The following KCNMB4 variants were observed in gnomAD, a reference collection of about 807,000 sequenced individuals.
The protein encoded by KCNMB4 is potassium calcium-activated channel subfamily M regulatory beta subunit 4.
Under a neutral mutation model 20.7 loss-of-function variants are expected in KCNMB4, and 3 were observed. The observed-to-expected ratio is 0.14, with a 90% confidence interval of 0.07 to 0.37. The LOEUF (loss-of-function observed/expected upper bound fraction) is 0.37. KCNMB4 is among the 10% of genes least tolerant of loss of function. KCNMB4 has a pLI of 1.00. For synonymous variants in KCNMB4, 110 were observed against 113.4 expected (o/e 0.97, Z 0.19); for missense variants, 168 against 265.9 (o/e 0.63, Z 2.56).
At chr12:70,408,194 C>T (rs772834696) in intron 2 of KCNMB4, among the ~76,000 whole-genome samples, 1 of 151,994 alleles carries the variant, frequency 6.6e-6, no homozygotes, top group African/African-American at 2.4e-5. Flanking sequence ...GGAAGGCAGG[C>T]GTTCGGAGTT....
intron 1 of KCNMB4, among the ~76,000 whole-genome samples, chr12:70,375,547 G>T (rs1883670756): frequency 6.6e-6 from 1 of 151,986 alleles, no homozygotes; most frequent in African/African-American, 2.4e-5. Flanking sequence ...GGAGGCTAAG[G>T]CTCCTTGCTT....
chr12:70,387,256 A>G (rs796586011), intron 1 of KCNMB4, among the ~76,000 whole-genome samples: 2 of 151,920 alleles, frequency 1.3e-5, no homozygotes, highest in African/African-American at 2.4e-5. Flanking sequence ...TGCACGGGAT[A>G]TTGGCTGTGA....
At chr12:70,386,667 A>G (rs1464835345) in intron 1 of KCNMB4, among the ~76,000 whole-genome samples, 1 of 151,524 alleles carries the variant, frequency 6.6e-6, no homozygotes, top group Non-Finnish European at 1.5e-5. Context: ...TTGGAATACC[A>G]TAATTACAGT....
chr12:70,394,525 T>G (rs1279129267), intron 1 of KCNMB4, among the ~76,000 whole-genome samples: 1 of 152,218 alleles, frequency 6.6e-6, no homozygotes, highest in African/African-American at 2.4e-5. Context: ...TGCCCTAGAA[T>G]TTAGTTTTTT....
At chr12:70,419,857 G>A (rs772881957) in intron 2 of KCNMB4, among the ~76,000 whole-genome samples, 2 of 152,180 alleles carry the variant, frequency 1.3e-5, no homozygotes, top group Non-Finnish European at 2.9e-5. Flanking sequence ...GCTGTGGTTA[G>A]GAACAGCAGA....
intron 1 of KCNMB4, among the ~76,000 whole-genome samples, chr12:70,394,320 C>T (rs183578369): frequency 8.9e-4 from 136 of 152,234 alleles, no homozygotes; most frequent in Middle Eastern, 3.4e-3. Context: ...GTGGAACAGA[C>T]TTTGACCATC....
chr12:70,429,058 A>G (rs1003453614), intron 2 of KCNMB4, among the ~76,000 whole-genome samples: 1 of 152,242 alleles, frequency 6.6e-6, no homozygotes, highest in African/African-American at 2.4e-5. Context: ...CTGTAAAACT[A>G]TTTATGTTAA....
chr12:70,393,247 G>C (rs537760377), intron 1 of KCNMB4, among the ~76,000 whole-genome samples: 1 of 152,088 alleles, frequency 6.6e-6, no homozygotes, highest in Non-Finnish European at 1.5e-5. Flanking sequence ...CTGTCGCCCA[G>C]ACTGGAGTGC....
intron 1 of KCNMB4, among the ~76,000 whole-genome samples, chr12:70,370,393 C>T (rs543605982): frequency 8.2e-4 from 125 of 151,630 alleles, no homozygotes; most frequent in African/African-American, 2.2e-3. Flanking sequence ...CTGCAAGCTC[C>T]GCCTCCCTGG....
At chr12:70,368,300 C>T (rs1239934569) in intron 1 of KCNMB4, among the ~76,000 whole-genome samples, 1 of 151,884 alleles carries the variant, frequency 6.6e-6, no homozygotes, top group Non-Finnish European at 1.5e-5. Context: ...AACTTGTGGT[C>T]TTACCTCCTG....
chr12:70,395,707 A>G (rs1868345100), intron 1 of KCNMB4, among the ~76,000 whole-genome samples: 1 of 152,216 alleles, frequency 6.6e-6, no homozygotes, highest in Admixed American at 6.5e-5. Flanking sequence ...TTGTTCATGA[A>G]TGCAAAAGTT....
chr12:70,389,124 A>G (rs769048683), intron 1 of KCNMB4, among the ~76,000 whole-genome samples: 1 of 152,180 alleles, frequency 6.6e-6, no homozygotes, highest in Non-Finnish European at 1.5e-5. Flanking sequence ...TATTCTTTAA[A>G]TAAATATGAT....
chr12:70,409,659 A>G (rs1868714656), intron 2 of KCNMB4, among the ~76,000 whole-genome samples: 1 of 152,238 alleles, frequency 6.6e-6, no homozygotes, highest in African/African-American at 2.4e-5. Context: ...GCTATGAGAT[A>G]TTACGGCATG....
intron 2 of KCNMB4, among the ~76,000 whole-genome samples, chr12:70,419,441 A>T (rs541741826): frequency 1.3e-5 from 2 of 152,378 alleles, no homozygotes; most frequent in African/African-American, 4.8e-5. Context: ...ATAAAATAGA[A>T]GTGAAAGGAT....
intron 2 of KCNMB4, among the ~76,000 whole-genome samples, chr12:70,412,352 G>A (rs900715225): frequency 3.9e-5 from 6 of 152,214 alleles, no homozygotes; most frequent in African/African-American, 1.4e-4. Flanking sequence ...GGAGCAAAAA[G>A]AGCCAGCTTC....
intron 1 of KCNMB4, among the ~76,000 whole-genome samples, chr12:70,390,538 G>A (rs76056566): frequency 0.12 from 17,746 of 152,120 alleles, 1,280 homozygotes; most frequent in Middle Eastern, 0.23. Flanking sequence ...CCATATATCC[G>A]CTGATCTGTC....
intron 2 of KCNMB4, among the ~76,000 whole-genome samples, chr12:70,421,772 G>A (rs1344176532): frequency 6.6e-6 from 1 of 151,764 alleles, no homozygotes; most frequent in Non-Finnish European, 1.5e-5. Flanking sequence ...TAGTAGAGAC[G>A]AGGTTTCACT....
intron 2 of KCNMB4, among the ~76,000 whole-genome samples, chr12:70,425,977 C>A (rs894179266): frequency 1.3e-5 from 2 of 151,902 alleles, no homozygotes; most frequent in Non-Finnish European, 2.9e-5. Flanking sequence ...CATCTCTACA[C>A]AAAAATATGT....
intron 1 of KCNMB4, among the ~76,000 whole-genome samples, chr12:70,391,016 G>A (rs775893143): frequency 1.3e-5 from 2 of 152,170 alleles, no homozygotes; most frequent in African/African-American, 2.4e-5. Flanking sequence ...TAGGACTTGA[G>A]GTTCTACCAC....
Sources: gnomAD v4.1 joint callset for allele counts (sites outside exome capture counted in the v4.1 genomes callset) on GRCh38, gnomAD v4.1.1 for gene constraint, MANE v1.5 for transcripts, NCBI Gene and HGNC (gene_info 2026-07-23, HGNC 2026-07-21) for gene names.